The following UBN1 variants were observed in gnomAD, a reference collection of about 807,000 sequenced individuals.
The protein encoded by UBN1 is ubinuclein-1.
In UBN1, 17 loss-of-function variants were observed where a neutral mutation model predicts 108.5. The ratio of observed to expected loss-of-function variants is 0.16; its 90% confidence interval spans 0.11 to 0.24. The LOEUF (loss-of-function observed/expected upper bound fraction) is 0.24. UBN1 is among the 10% of genes least tolerant of loss of function. The pLI, the probability that UBN1 is intolerant of heterozygous loss-of-function variation, is 1.00. For synonymous variants in UBN1, 726 were observed against 564.2 expected, an observed-to-expected ratio of 1.29 and a Z score of -4.07; for missense variants, 1,595 against 1,394.4, an observed-to-expected ratio of 1.14 and a Z score of -2.29.
At chr16:4,878,895 C>G (rs1449632853) in intron 17 of UBN1, among the ~76,000 whole-genome samples, 1 of 152,058 alleles carries the variant, frequency 6.6e-6, no homozygotes, top group Admixed American at 6.6e-5. Flanking sequence ...GCCTGTAGTC[C>G]CAGCTCTTTA....
chr16:4,874,597 T>C lies in UBN1; in HGVS notation c.2187T>C (p.Ala729=). 6.2e-7 allele frequency: 1 copy of C among 1,614,218 alleles called. No individual in the cohort carries two copies. ...AKPSPSAPPP[A]SSLQSPLNFL... ...CTAGTCCTTCTGCTCCACCACCAGC[T>C]AGCTCTCTGCAGTCACCCCTCAATT... The change falls in exon 15 of 18, where the codon GCT becomes GCC. Residue 729 remains alanine, a synonymous_variant. Transcript: ENST00000262376.
At chr16:4,860,038 C>T (rs533230236) in intron 6 of UBN1, 70 bp downstream of exon 6, 4 of 1,587,862 alleles carry the variant, frequency 2.5e-6, no homozygotes, top group African/African-American at 1.4e-5. Context: ...GGAGCTGACT[C>T]ACCTCCTCCC....
chr16:4,866,506 A>G (rs2087338999), intron 7 of UBN1, among the ~76,000 whole-genome samples: 1 of 152,096 alleles, frequency 6.6e-6, no homozygotes, highest in Non-Finnish European at 1.5e-5. Flanking sequence ...ACTCAGTTCT[A>G]TATTTTATTT....
chr16:4,861,153 T>A lies in UBN1; in HGVS notation c.1110+51T>A, dbSNP rs763257659. The A allele has an allele frequency of 4.5e-6, 7 of 1,551,262 alleles. No homozygotes were observed. In the South Asian group the frequency reaches 8.5e-5, roughly 19 times the overall value. On this transcript the variant is annotated intron_variant, in intron 7 of 17. Coordinates refer to ENST00000262376, the MANE Select transcript of UBN1 (RefSeq NM_001079514.3). ...TTTCCTGGAAGCAGTTTGGGCAGAT[T>A]GCTGTTGGTTCTGCACTGCGTGAAG... is the stretch of plus-strand genomic sequence containing the variant.
chr16:4,877,122 C>T lies in UBN1; in HGVS notation c.3265+11C>T, dbSNP rs914210529. On this transcript the variant is annotated intron_variant, in intron 16 of 17. Transcript: ENST00000262376. The surrounding 1 kb of genome is among the most constrained non-coding windows in gnomAD (Gnocchi z 4.3). ...ATGGCCTTGGCCACAGTAAGTGCTT[C>T]TTTGCTGCCTCTGGTCACTCAGGAA... 3 of 1,598,476 alleles carry T rather than the reference C, an allele frequency of 1.9e-6. No individual in the cohort carries two copies. Among genetic ancestry groups the T allele is most frequent in the Non-Finnish European group, 2.6e-6 (3 of 1,172,854 alleles).
chr16:4,877,881 T>C lies in UBN1; in HGVS notation c.3355+407T>C. 1.0e-6 allele frequency: 1 copy of C among 961,952 alleles called. No homozygotes were observed. The highest frequency in any genetic ancestry group is 1.2e-6 in the Non-Finnish European group (1 of 807,048). The allele number at this position is 961,952 out of a possible 1,614,324, so 59.6% of individuals were successfully genotyped here. A position where few individuals can be genotyped will look rare whatever the true frequency, so the allele number is the denominator to read the frequency against. The stretch of plus-strand genomic sequence containing the variant: ...AACAAGGTCTTGGAATGCAAGCTGC[T>C]CCACTGTCAGATGTGATTGCTTAAC... On this transcript the variant is annotated intron_variant, in intron 17 of 17. Transcript: ENST00000262376. The surrounding 1 kb of genome is among the most constrained non-coding windows in gnomAD (Gnocchi z 4.3).
rs974222507 is a variant in UBN1, at chr16:4,881,288, C to T, written c.*1156C>T. The T allele has an allele frequency of 6.5e-6, 1 of 152,722 alleles. No homozygotes were observed. Among genetic ancestry groups the T allele is most frequent in the Non-Finnish European group, 1.5e-5 (1 of 68,158 alleles). The allele number at this position is 152,722 out of a possible 1,614,324, so 9.5% of individuals were successfully genotyped here. ...AAATAGGCCTTGAAGTCCTGGGGCT[C>T]TCCAGGCAGTGGGGTTATGTGTCGA... is the stretch of plus-strand genomic sequence containing the variant. On this transcript the variant is annotated 3_prime_UTR_variant, in exon 18 of 18. Transcript: ENST00000262376.
In UBN1 at chr16:4,881,582, C is replaced by T. The variant is rs2088077137; in HGVS notation, c.*1450C>T. 1 of 152,110 alleles carries T rather than the reference C, an allele frequency of 6.6e-6. No individual in the cohort carries two copies. Among genetic ancestry groups the T allele is most frequent in the South Asian group, 2.1e-4 (1 of 4,824 alleles). 9.4% of individuals were successfully genotyped at this position (152,110 alleles called of 1,614,324 possible). On this transcript the variant is annotated 3_prime_UTR_variant, in exon 18 of 18. Coordinates refer to ENST00000262376, the MANE Select transcript of UBN1 (RefSeq NM_001079514.3). ...GCTCCTGACTCCCAGGGTACAGCGC[C>T]CAGTAACTCATCCTTCATTCAGAGG...
Position 4,849,949 on chromosome 16 carries a change from C to CAAAAAA in UBN1, c.-40+1751_-40+1756dup, listed in dbSNP as rs751842571. Among the ~76,000 whole-genome samples, 152 of 72,180 alleles carry CAAAAAA rather than the reference C, an allele frequency of 2.1e-3. 3 individuals are homozygous for CAAAAAA. Among genetic ancestry groups the CAAAAAA allele is most frequent in the African/African-American group, 6.9e-3 (116 of 16,904 alleles). 47.4% of individuals were successfully genotyped at this position (72,180 alleles called of 152,430 possible). A position where few individuals can be genotyped will look rare whatever the true frequency, so the allele number is the denominator to read the frequency against. On this transcript the variant is annotated intron_variant, in intron 1 of 17. Coordinates refer to ENST00000262376, the MANE Select transcript of UBN1 (RefSeq NM_001079514.3). ...CAACAGGAGTGAGGCAACTGTCTCA[C>CAAAAAA]AAAAAAAAAAAAAAAAACCACAAAA...
chr16:4,875,115 A>G lies in UBN1; in HGVS notation c.2705A>G (p.Asn902Ser), dbSNP rs2087818319. Reference protein sequence around the residue: ...VSSAGSSYKNNPFASSISKHG... With the variant: ...VSSAGSSYKNSPFASSISKHG... Reference sequence around the variant, plus strand: ...TCTGCAGGCTCATCTTACAAGAATAATCCCTTTGCCAGCTCAATCTCCAAA... The same window carrying G: ...TCTGCAGGCTCATCTTACAAGAATAGTCCCTTTGCCAGCTCAATCTCCAAA... The change falls in exon 15 of 18, where the codon AAT becomes AGT. Residue 902 changes from asparagine to serine, a missense_variant. Around this residue, in one of 3 missense-constraint regions of UBN1, gnomAD observed 1,398 missense variants for 1,194.7 expected, o/e 1.17. Coordinates refer to ENST00000262376, the MANE Select transcript of UBN1 (RefSeq NM_001079514.3). 1.2e-6 allele frequency: 2 copies of G among 1,614,056 alleles called. No individual in the cohort carries two copies. Among genetic ancestry groups the G allele is most frequent in the South Asian group, 2.2e-5 (2 of 91,084 alleles).
chr16:4,871,829 G>A (rs1011243101), intron 12 of UBN1, among the ~76,000 whole-genome samples: 1 of 151,982 alleles, frequency 6.6e-6, no homozygotes, highest in Non-Finnish European at 1.5e-5. Flanking sequence ...CTTGTGATCT[G>A]CCCACCTTGG....
At chr16:4,850,968 C>G (rs1373478638) in intron 1 of UBN1, among the ~76,000 whole-genome samples, 1 of 152,112 alleles carries the variant, frequency 6.6e-6, no homozygotes, top group Non-Finnish European at 1.5e-5. Flanking sequence ...TGAAACTTTA[C>G]AAAACAGTGC....
At chr16:4,875,924 T>C (rs1392743553) in intron 15 of UBN1, among the ~76,000 whole-genome samples, 1 of 152,066 alleles carries the variant, frequency 6.6e-6, no homozygotes, top group Non-Finnish European at 1.5e-5. Context: ...TCACAGCAGG[T>C]TCGGGAAGAG....
chr16:4,870,516 G>A lies in UBN1; in HGVS notation c.1312G>A (p.Gly438Arg). ...RARKLHLYEQ[G>R]GRLKEPLQKL... ...TTGAATTGTGTCCCGCTCTTCGCAG[G>A]GGGGCCGTCTGAAGGAGCCTCTCCA... Residue 438 changes from glycine to arginine, a missense_variant and splice_region_variant, in exon 10 of 18, where the codon GGG becomes AGG. Transcript: ENST00000262376. The A allele has an allele frequency of 1.9e-6, 3 of 1,614,214 alleles. No individual in the cohort carries two copies. The South Asian group carries it at 3.3e-5, about 18-fold the overall frequency.
Position 4,874,917 on chromosome 16 carries a change from A to G in UBN1, c.2507A>G (p.Gln836Arg). ...CAAGGCCCAAAGGCTTCTCCCACACAGTGTCATCGTTCCCTCCTGCAGTTA... is the reference window on the plus strand; with the variant it reads ...CAAGGCCCAAAGGCTTCTCCCACACGGTGTCATCGTTCCCTCCTGCAGTTA... ...KLQGPKASPT[Q>R]CHRSLLQLVK... Residue 836 changes from glutamine to arginine, a missense_variant, in exon 15 of 18, where the codon CAG becomes CGG. Physicochemically the swap from Gln to Arg is conservative, Grantham distance 43 (BLOSUM62 1). This residue lies in a region of UBN1 where 1,398 missense variants were observed against 1,194.7 expected (regional missense o/e 1.17). Transcript: ENST00000262376. 2 of 1,614,150 alleles carry G rather than the reference A, an allele frequency of 1.2e-6. No individual in the cohort carries two copies. The highest frequency in any genetic ancestry group is 1.7e-6 in the Non-Finnish European group (2 of 1,180,030).
chr16:4,874,541 T>C lies in UBN1; in HGVS notation c.2131T>C (p.Cys711Arg). 1.2e-6 allele frequency: 2 copies of C among 1,614,228 alleles called. No homozygotes were observed. Among genetic ancestry groups the C allele is most frequent in the South Asian group, 1.1e-5 (1 of 91,088 alleles). Residue 711 changes from cysteine to arginine, a missense_variant, in exon 15 of 18, where the codon TGT becomes CGT. Cys to Arg is a radical substitution (Grantham distance 180). Transcript: ENST00000262376. ...APAEKVGGVL[C>R]TEEKRNFAKP... is the part of the protein sequence containing the mutation. ...TGCAGAAAAAGTTGGAGGCGTTTTATGTACAGAAGAAAAAAGGAACTTTGC... is the reference window on the plus strand; with the variant it reads ...TGCAGAAAAAGTTGGAGGCGTTTTACGTACAGAAGAAAAAAGGAACTTTGC...
intron 7 of UBN1, 83 bp from the exon 8 acceptor site, chr16:4,868,750 C>T (rs532379606): frequency 3.1e-5 from 42 of 1,360,898 alleles, no homozygotes; most frequent in Admixed American, 5.7e-5. Context: ...CTTTATGGAG[C>T]GATGACTCCT....
Position 4,871,182 on chromosome 16 carries a change from C to G in UBN1, c.1587C>G (p.Ile529Met). 12 of 1,614,214 alleles carry G rather than the reference C, an allele frequency of 7.4e-6. No homozygotes were observed. The highest frequency in any genetic ancestry group is 1.0e-5 in the Non-Finnish European group (12 of 1,180,044). The change falls in exon 12 of 18, where the codon ATC (isoleucine) becomes ATG (methionine). Residue 529 changes from isoleucine to methionine, a missense_variant. Coordinates refer to ENST00000262376, the MANE Select transcript of UBN1 (RefSeq NM_001079514.3). ...AGCTACTGTGCCAGGTGGTGAAGAT[C>G]AAACTGGAGAGCCAGGACCTGGAGA... Reference protein sequence around the residue: ...IRELLCQVVKIKLESQDLERN... With the variant: ...IRELLCQVVKMKLESQDLERN...
intron 2 of UBN1, among the ~76,000 whole-genome samples, chr16:4,854,534 T>TAC (rs1303963383): frequency 6.7e-6 from 1 of 149,290 alleles, no homozygotes; most frequent in Non-Finnish European, 1.5e-5. Flanking sequence ...TTTTTGTATT[T>TAC]TTAGTAGAGA....
Sources: gnomAD v4.1 joint callset for allele counts (sites outside exome capture counted in the v4.1 genomes callset) on GRCh38, gnomAD v4.1.1 for gene constraint, gnomAD v4.1.1 regional missense constraint, Gnocchi (gnomAD v3.1) non-coding constraint, MANE v1.5 for transcripts, NCBI Gene and HGNC (gene_info 2026-07-23, HGNC 2026-07-21) for gene names.